Variants in TIMP2 observed in about 807,000 individuals in gnomAD.
The protein encoded by TIMP2 is metalloproteinase inhibitor 2.
Under a neutral mutation model 24.3 loss-of-function variants are expected in TIMP2, and 5 were observed. That is an observed-to-expected ratio of 0.21 (90% CI 0.11 to 0.43). TIMP2 has a LOEUF of 0.43. TIMP2 is among the 20% of genes least tolerant of loss of function. TIMP2 has a pLI of 1.00. For missense variants in TIMP2, 221 were observed against 297.5 expected (o/e 0.74, Z 1.89); for synonymous variants, 130 against 123.2 (o/e 1.06, Z -0.37).
chr17:78,872,311 T>C (rs989211482), intron 2 of TIMP2, among the ~76,000 whole-genome samples: 18 of 151,948 alleles, frequency 1.2e-4, no homozygotes, highest in Non-Finnish European at 7.4e-5. Context: ...GGAATTTTGG[T>C]CAAATATTGT....
intron 1 of TIMP2, among the ~76,000 whole-genome samples, chr17:78,881,894 A>G (rs1297220091): frequency 6.6e-6 from 1 of 152,224 alleles, no homozygotes; most frequent in African/African-American, 2.4e-5. Flanking sequence ...GCCATTGGGG[A>G]TGAGAGTCTC....
At chr17:78,862,331 G>C (rs1222844420) in intron 3 of TIMP2, among the ~76,000 whole-genome samples, 1 of 152,212 alleles carries the variant, frequency 6.6e-6, no homozygotes, top group Non-Finnish European at 1.5e-5. Context: ...ACTGGATCTA[G>C]GTTCCTGCCT....
At chr17:78,900,661 G>A (rs1286067147) in intron 1 of TIMP2, among the ~76,000 whole-genome samples, 2 of 152,162 alleles carry the variant, frequency 1.3e-5, no homozygotes, top group Admixed American at 6.5e-5. Context: ...TCAAAGCTGT[G>A]GGCATCCCCG....
chr17:78,878,551 T>C (rs541386762), intron 1 of TIMP2, among the ~76,000 whole-genome samples: 1 of 152,332 alleles, frequency 6.6e-6, no homozygotes, highest in East Asian at 1.9e-4. Flanking sequence ...GACTCTCGAT[T>C]TGATGCAGCT....
At chr17:78,900,740 T>C (rs1489163845) in intron 1 of TIMP2, among the ~76,000 whole-genome samples, 2 of 152,092 alleles carry the variant, frequency 1.3e-5, no homozygotes, top group Non-Finnish European at 2.9e-5. Context: ...TTTAACAGCT[T>C]GCACAACTGG....
intron 1 of TIMP2, among the ~76,000 whole-genome samples, chr17:78,912,971 G>A (rs1042805352): frequency 1.3e-5 from 2 of 152,176 alleles, no homozygotes; most frequent in South Asian, 2.1e-4. Context: ...TTGGGAGGCC[G>A]AGGCGGGCAG....
intron 1 of TIMP2, among the ~76,000 whole-genome samples, chr17:78,911,422 G>T (rs964665596): frequency 2.0e-5 from 3 of 151,566 alleles, no homozygotes; most frequent in East Asian, 1.9e-4. Context: ...TGCTTTTGTT[G>T]TTTTTGTTTT....
intron 3 of TIMP2, among the ~76,000 whole-genome samples, chr17:78,867,372 C>T (rs188878050): frequency 3.9e-5 from 6 of 152,174 alleles, no homozygotes; most frequent in Admixed American, 6.5e-5. Flanking sequence ...TCTTGATGAC[C>T]GAGATACCCA....
intron 1 of TIMP2, chr17:78,874,202 G>C (rs890399076): frequency 2.3e-6 from 1 of 436,126 alleles, no homozygotes; most frequent in African/African-American, 2.0e-5. Context: ...AGTCCCTTGT[G>C]ACCAAGGCAG....
intron 1 of TIMP2, chr17:78,905,054 C>T (rs113422010): frequency 0.085 from 12,952 of 152,042 alleles, 587 homozygotes; most frequent in Middle Eastern, 0.12. Context: ...GCAGGAGAAT[C>T]GCTTGAACCA....
At position 78,891,797 on chromosome 17, in the gene TIMP2, C is replaced by T. The variant is rs2069900320; in HGVS notation, c.131-17878G>A. 1 of 1,550,956 alleles carries T rather than the reference C, an allele frequency of 6.4e-7. No homozygotes were observed. Among genetic ancestry groups the T allele is most frequent in the Non-Finnish European group, 8.7e-7 (1 of 1,147,098 alleles). On this transcript the variant is annotated intron_variant, in intron 1 of 4. Transcript: ENST00000262768. This position sits in a 1 kb window ranked among gnomAD's most constrained non-coding sequence, Gnocchi z 4.5. ...CCTCCGAGGATGGATGGCACAGCGGCCACCCCCAGACTTGGTCGAAGGTTC... is the reference window on the plus strand; with the variant it reads ...CCTCCGAGGATGGATGGCACAGCGGTCACCCCCAGACTTGGTCGAAGGTTC...
chr17:78,892,410 G>A (rs1480223216), intron 1 of TIMP2: 1 of 1,550,326 alleles, frequency 6.5e-7, no homozygotes, highest in African/African-American at 1.4e-5. Flanking sequence ...GGTTCAAGGG[G>A]CGCCCCCGGG....
intron 1 of TIMP2, among the ~76,000 whole-genome samples, chr17:78,918,727 C>T (rs1196349498): frequency 6.6e-6 from 1 of 152,132 alleles, no homozygotes; most frequent in African/African-American, 2.4e-5. Context: ...GGCCGGGCAC[C>T]GTGGCTCACA....
chr17:78,864,004 A>AGCAGGTGTTTTCAGAGCCTTCACTCGG (rs2069588107), intron 3 of TIMP2, among the ~76,000 whole-genome samples: 11 of 152,112 alleles, frequency 7.2e-5, no homozygotes, highest in Non-Finnish European at 1.3e-4. Context: ...TTCGAACTCG[A>AGCAGGTGTTTTCAGAGCCTTCACTCGG]GCAGGTGTTT....
intron 2 of TIMP2, among the ~76,000 whole-genome samples, 166 bp from the exon 3 acceptor site, chr17:78,871,172 G>C (rs2069680071): frequency 6.6e-6 from 1 of 152,122 alleles, no homozygotes; most frequent in African/African-American, 2.4e-5. Context: ...GACCGTTCCA[G>C]CTGGGCTCAG....
intron 1 of TIMP2, among the ~76,000 whole-genome samples, chr17:78,888,889 G>T (rs966503140): frequency 6.6e-6 from 1 of 152,180 alleles, no homozygotes; most frequent in Non-Finnish European, 1.5e-5. Flanking sequence ...GCCATTCGTG[G>T]ACCAATGATA....
chr17:78,886,052 C>T (rs1366765716), intron 1 of TIMP2, among the ~76,000 whole-genome samples: 2 of 152,136 alleles, frequency 1.3e-5, no homozygotes, highest in African/African-American at 2.4e-5. Flanking sequence ...TTTTAGTGCC[C>T]ACACCAATGC....
intron 3 of TIMP2, 111 bp from the exon 4 acceptor site, chr17:78,857,757 A>G: frequency 6.9e-7 from 1 of 1,440,092 alleles, no homozygotes; most frequent in Non-Finnish European, 9.4e-7. Context: ...AATCCTGTGC[A>G]CTGTCTATTC....
chr17:78,902,784 A>T (rs2070115615), intron 1 of TIMP2: 1 of 152,248 alleles, frequency 6.6e-6, no homozygotes, highest in Non-Finnish European at 1.5e-5. Flanking sequence ...GCAAACCTCA[A>T]GATCCTAAGC....
Sources: allele counts gnomAD v4.1 joint callset (sites outside exome capture counted in the v4.1 genomes callset), GRCh38; gene constraint gnomAD v4.1.1; non-coding constraint Gnocchi (gnomAD v3.1); transcripts MANE v1.5; gene names NCBI Gene and HGNC (gene_info 2026-07-23, HGNC 2026-07-21).